Variants in FSTL5 observed in about 807,000 individuals in gnomAD.
FSTL5 encodes the protein follistatin-related protein 5.
A neutral mutation model predicts 89.1 loss-of-function variants in FSTL5; 62 were observed. The observed-to-expected ratio is 0.70, with a 90% CI of 0.57 to 0.86. The LOEUF (loss-of-function observed/expected upper bound fraction) is 0.86, where lower values mean the gene tolerates loss of function less well. Ranked by LOEUF, FSTL5 falls within the 40% of genes least tolerant of loss-of-function variation. The pLI is 0.00. For missense variants in FSTL5, 1,057 were observed against 1,001.6 expected, an observed-to-expected ratio of 1.06 and a Z score of -0.75; for synonymous variants, 383 against 346.2, an observed-to-expected ratio of 1.11 and a Z score of -1.18.
In FSTL5 at chr4:161,452,275, A is replaced by G. The variant is rs1733192279; in HGVS notation, c.1841+2729T>C. Among the ~76,000 whole-genome samples the G allele has an allele frequency of 2.6e-5, 4 of 152,290 alleles. No individual in the cohort carries two copies. In the South Asian group the frequency reaches 8.3e-4, roughly 32 times the overall value. On this transcript the variant is annotated intron_variant, in intron 15 of 15. Transcript: ENST00000306100. Reference sequence around the variant, plus strand: ...TGGATCACCTGAGGTCAGGAGTTCAAGACCAGCCTGACCAAGATGGTGAAA... The same window carrying G: ...TGGATCACCTGAGGTCAGGAGTTCAGGACCAGCCTGACCAAGATGGTGAAA...
chr4:162,062,712 C>T (rs1305713466), intron 2 of FSTL5, among the ~76,000 whole-genome samples: 2 of 150,710 alleles, frequency 1.3e-5, no homozygotes, highest in African/African-American at 4.9e-5. Flanking sequence ...GTAAAATTTA[C>T]TTAAAGAATG....
chr4:161,458,421 T>C (rs1265432163), intron 14 of FSTL5, among the ~76,000 whole-genome samples: 1 of 152,172 alleles, frequency 6.6e-6, no homozygotes, highest in African/African-American at 2.4e-5. Flanking sequence ...GTAAGTTAAA[T>C]ATTGCAATAC....
chr4:161,436,931 G>C (rs1366017287), intron 15 of FSTL5, among the ~76,000 whole-genome samples: 1 of 152,158 alleles, frequency 6.6e-6, no homozygotes, highest in Non-Finnish European at 1.5e-5. Context: ...TTGTGAATTT[G>C]TACCATATGC....
intron 15 of FSTL5, among the ~76,000 whole-genome samples, chr4:161,432,088 T>C (rs985547790): frequency 8.5e-5 from 13 of 152,264 alleles, no homozygotes; most frequent in African/African-American, 3.1e-4. Flanking sequence ...ACTGGCCTTA[T>C]CTGTAACATA....
chr4:162,116,988 G>A, intron 1 of FSTL5, among the ~76,000 whole-genome samples: 1 of 152,118 alleles, frequency 6.6e-6, no homozygotes, highest in East Asian at 1.9e-4. Context: ...ATTGCTTTTA[G>A]AAAGGCTATC....
intron 4 of FSTL5, among the ~76,000 whole-genome samples, chr4:161,901,022 C>T (rs1379818675): frequency 6.6e-6 from 1 of 151,714 alleles, no homozygotes; most frequent in Non-Finnish European, 1.5e-5. Flanking sequence ...TTTTCTAAAC[C>T]ACTTTTATTG....
At chr4:161,844,947 A>G (rs1731321589) in intron 4 of FSTL5, among the ~76,000 whole-genome samples, 1 of 152,180 alleles carries the variant, frequency 6.6e-6, no homozygotes. Context: ...TAATAAAAAA[A>G]CTACACCAAA....
chr4:162,089,110 C>T (rs1730438005), intron 2 of FSTL5, among the ~76,000 whole-genome samples: 1 of 152,108 alleles, frequency 6.6e-6, no homozygotes, highest in African/African-American at 2.4e-5. Flanking sequence ...CCCTCTCTCT[C>T]TCTCTCACCC....
intron 4 of FSTL5, among the ~76,000 whole-genome samples, chr4:161,778,675 G>A (rs538017981): frequency 1.1e-4 from 16 of 152,240 alleles, no homozygotes; most frequent in African/African-American, 3.9e-4. Flanking sequence ...AGTCAATTTT[G>A]TATCATTCTG....
chr4:161,606,704 G>A (rs1472312031), intron 7 of FSTL5, among the ~76,000 whole-genome samples: 2 of 151,952 alleles, frequency 1.3e-5, no homozygotes, highest in Non-Finnish European at 2.9e-5. Context: ...TCATTGCATT[G>A]GAAAATTGAA....
At chr4:162,147,341 T>TA (rs1038864379) in intron 1 of FSTL5, among the ~76,000 whole-genome samples, 37 of 152,126 alleles carry the variant, frequency 2.4e-4, no homozygotes, top group Admixed American at 2.0e-4. Flanking sequence ...TAACTTAACA[T>TA]AAAAATACTA....
chr4:161,743,586 A>C (rs1450733399), intron 6 of FSTL5, among the ~76,000 whole-genome samples: 1 of 152,034 alleles, frequency 6.6e-6, no homozygotes, highest in Non-Finnish European at 1.5e-5. Context: ...CTGAAAAAAC[A>C]CTATTAGGAT....
At chr4:162,048,598 T>TACAC (rs34979000) in intron 2 of FSTL5, among the ~76,000 whole-genome samples, 10,267 of 149,476 alleles carry the variant, frequency 0.069, 450 homozygotes, top group East Asian at 0.16. Flanking sequence ...ATTATACACA[T>TACAC]ACACACACAC....
intron 15 of FSTL5, among the ~76,000 whole-genome samples, chr4:161,425,445 T>C (rs1732137374): frequency 6.6e-6 from 1 of 152,222 alleles, no homozygotes; most frequent in Non-Finnish European, 1.5e-5. Flanking sequence ...GATTTATTTA[T>C]ACTTAAGGGT....
intron 4 of FSTL5, among the ~76,000 whole-genome samples, chr4:161,883,131 C>T (rs548119410): frequency 6.6e-6 from 1 of 152,072 alleles, no homozygotes; most frequent in South Asian, 2.1e-4. Flanking sequence ...CCTTCATAAA[C>T]CAGAAGATAA....
At chr4:162,103,520 CAG>C (rs201290539) in intron 2 of FSTL5, among the ~76,000 whole-genome samples, 2 of 152,278 alleles carry the variant, frequency 1.3e-5, no homozygotes, top group East Asian at 3.9e-4. Flanking sequence ...ATCTTGTGAG[CAG>C]AGATAGTAAC....
intron 6 of FSTL5, among the ~76,000 whole-genome samples, chr4:161,741,183 C>A (rs1373409242): frequency 6.6e-6 from 1 of 152,168 alleles, no homozygotes; most frequent in African/African-American, 2.4e-5. Context: ...TCCACAGAAT[C>A]TTTGTAAACG....
intron 4 of FSTL5, 33 bp downstream of exon 4, chr4:161,920,371 T>G (rs759009371): frequency 2.0e-5 from 32 of 1,593,068 alleles, no homozygotes; most frequent in Non-Finnish European, 2.7e-5. Context: ...AGAAATAGAG[T>G]GGGGTGACAC....
At chr4:162,076,332 T>C (rs1169455532) in intron 2 of FSTL5, among the ~76,000 whole-genome samples, 3 of 151,926 alleles carry the variant, frequency 2.0e-5, no homozygotes, top group Non-Finnish European at 4.4e-5. Context: ...TCCCAAACTG[T>C]CTTGTCAAGA....
Sources: gnomAD v4.1 joint callset for allele counts (sites outside exome capture counted in the v4.1 genomes callset) on GRCh38, gnomAD v4.1.1 for gene constraint, MANE v1.5 for transcripts, NCBI Gene and HGNC (gene_info 2026-07-23, HGNC 2026-07-21) for gene names.